The following NRXN3 variants were observed in gnomAD, a reference collection of about 807,000 sequenced individuals.
NRXN3 encodes the protein neurexin III.
Under a neutral mutation model 137.6 loss-of-function variants are expected in NRXN3, and 32 were observed. The ratio of observed to expected loss-of-function variants is 0.23; its 90% confidence interval spans 0.18 to 0.31. The LOEUF (loss-of-function observed/expected upper bound fraction) is 0.31. Among genes scored for constraint, NRXN3 ranks in the 10% least tolerant of loss-of-function variants. The pLI, the probability that NRXN3 is intolerant of heterozygous loss-of-function variation, is 1.00. For missense variants in NRXN3, 1,574 were observed against 2,062.5 expected, an observed-to-expected ratio of 0.76 and a Z score of 4.59; for synonymous variants, 798 against 784.5, an observed-to-expected ratio of 1.02 and a Z score of -0.29.
intron 8 of NRXN3, among the ~76,000 whole-genome samples, chr14:78,788,035 A>G (rs1160267608): frequency 2.0e-5 from 3 of 152,190 alleles, no homozygotes; most frequent in Non-Finnish European, 4.4e-5. Flanking sequence ...GAGCCCTTTC[A>G]AACATATTTT....
intron 8 of NRXN3, among the ~76,000 whole-genome samples, chr14:78,751,578 G>T (rs199692031): frequency 6.6e-6 from 1 of 152,198 alleles, no homozygotes; most frequent in East Asian, 1.9e-4. Flanking sequence ...CAAAGTGGGT[G>T]AAGCATCTGT....
At chr14:78,752,809 T>C (rs952524148) in intron 8 of NRXN3, among the ~76,000 whole-genome samples, 2 of 152,160 alleles carry the variant, frequency 1.3e-5, no homozygotes, top group African/African-American at 4.8e-5. Flanking sequence ...GCCAGGGTCA[T>C]TTCACGCAGG....
chr14:79,031,358 A>G (rs1042032475), intron 15 of NRXN3, among the ~76,000 whole-genome samples: 5 of 152,206 alleles, frequency 3.3e-5, no homozygotes, highest in Non-Finnish European at 7.3e-5. Context: ...ATGAATAGGT[A>G]ACACATTATT....
At chr14:78,639,132 A>G (rs2152561201) in intron 4 of NRXN3, among the ~76,000 whole-genome samples, 1 of 152,196 alleles carries the variant, frequency 6.6e-6, no homozygotes, top group East Asian at 1.9e-4. Flanking sequence ...CCACAAGACC[A>G]CAGGCCATCT....
chr14:78,357,887 C>A (rs1264660563), intron 4 of NRXN3, among the ~76,000 whole-genome samples: 7 of 152,144 alleles, frequency 4.6e-5, no homozygotes, highest in Non-Finnish European at 1.0e-4. Flanking sequence ...CAATAGCTAA[C>A]TTAGATTGAG....
chr14:78,622,045 G>T (rs2097410483), intron 4 of NRXN3, among the ~76,000 whole-genome samples: 1 of 152,164 alleles, frequency 6.6e-6, no homozygotes, highest in African/African-American at 2.4e-5. Context: ...GTCAGATGAG[G>T]ATTTTCTGAT....
At chr14:79,321,818 A>T (rs1284595848) in intron 15 of NRXN3, among the ~76,000 whole-genome samples, 1 of 148,958 alleles carries the variant, frequency 6.7e-6, no homozygotes, top group Non-Finnish European at 1.5e-5. Flanking sequence ...AAGCTACTAC[A>T]TATTAATAAA....
At chr14:79,070,533 C>G (rs2099686328) in intron 15 of NRXN3, among the ~76,000 whole-genome samples, 1 of 152,124 alleles carries the variant, frequency 6.6e-6, no homozygotes, top group South Asian at 2.1e-4. Context: ...GCAGTGCTCC[C>G]TTAATAACTC....
chr14:79,845,766 C>T (rs1227058818), intron 20 of NRXN3, among the ~76,000 whole-genome samples: 1 of 13,326 alleles, frequency 7.5e-5, no homozygotes, highest in African/African-American at 3.6e-4. Flanking sequence ...GAGAGGGAGA[C>T]GGGGAGAGAG....
intron 15 of NRXN3, among the ~76,000 whole-genome samples, chr14:79,154,652 T>C (rs558477736): frequency 6.6e-6 from 1 of 151,924 alleles, no homozygotes; most frequent in African/African-American, 2.4e-5. Flanking sequence ...TGCAGTTTTC[T>C]CAACTGAAAA....
At chr14:79,558,559 CTTT>C (rs953058150) in intron 16 of NRXN3, among the ~76,000 whole-genome samples, 3 of 140,330 alleles carry the variant, frequency 2.1e-5, no homozygotes, top group South Asian at 2.3e-4. Flanking sequence ...TTCTCTCTCT[CTTT>C]TTTTTTTTTT....
chr14:78,768,056 C>T (rs76543002), intron 8 of NRXN3, among the ~76,000 whole-genome samples: 1 of 138,444 alleles, frequency 7.2e-6, no homozygotes, highest in Non-Finnish European at 1.5e-5. Flanking sequence ...ACAACATAAT[C>T]GAAAACAAAT....
At chr14:79,796,451 C>T (rs2099161213) in intron 19 of NRXN3, among the ~76,000 whole-genome samples, 1 of 152,094 alleles carries the variant, frequency 6.6e-6, no homozygotes, top group Non-Finnish European at 1.5e-5. Context: ...CCACTCTCTT[C>T]TCCTTCCTCC....
chr14:78,491,201 A>T (rs1455287967), intron 4 of NRXN3, among the ~76,000 whole-genome samples: 1 of 152,148 alleles, frequency 6.6e-6, no homozygotes, highest in Admixed American at 6.5e-5. Flanking sequence ...CTGCCAGATG[A>T]TGGGAATTGG....
intron 10 of NRXN3, among the ~76,000 whole-genome samples, chr14:78,946,508 C>T (rs912107529): frequency 2.6e-5 from 4 of 152,150 alleles, no homozygotes; most frequent in Admixed American, 6.5e-5. Context: ...TTTTCATCTT[C>T]GCACCCCAGA....
chr14:78,734,488 G>A (rs2098532546), intron 8 of NRXN3, among the ~76,000 whole-genome samples: 1 of 152,172 alleles, frequency 6.6e-6, no homozygotes, highest in African/African-American at 2.4e-5. Context: ...TCCTTGAGAG[G>A]TACAATGGTG....
intron 1 of NRXN3, among the ~76,000 whole-genome samples, chr14:78,232,129 G>T (rs1051825762): frequency 1.8e-4 from 28 of 152,348 alleles, no homozygotes; most frequent in African/African-American, 6.5e-4. Context: ...TACCTGTGAG[G>T]TGTGCCCGGT....
intron 15 of NRXN3, among the ~76,000 whole-genome samples, chr14:79,465,998 T>C (rs2096416984): frequency 6.6e-6 from 1 of 152,216 alleles, no homozygotes; most frequent in Admixed American, 6.5e-5. Flanking sequence ...ATTACAAATA[T>C]TTTCTTTATT....
chr14:79,500,894 A>T (rs1463560262), intron 16 of NRXN3, among the ~76,000 whole-genome samples: 1 of 152,236 alleles, frequency 6.6e-6, no homozygotes, highest in Admixed American at 6.5e-5. Flanking sequence ...TGTATCTGTC[A>T]GCAATCACCA....
Sources: allele counts gnomAD v4.1 joint callset (sites outside exome capture counted in the v4.1 genomes callset), GRCh38; gene constraint gnomAD v4.1.1; transcripts MANE v1.5; gene names NCBI Gene and HGNC (gene_info 2026-07-23, HGNC 2026-07-21).